PAPPA2: variants seen among roughly 807,000 people sequenced by gnomAD.
PAPPA2 encodes the protein pappalysin-2.
A neutral mutation model predicts 176.4 loss-of-function variants in PAPPA2; 86 were observed. The observed-to-expected ratio is 0.49, with a 90% CI of 0.41 to 0.58. The LOEUF (loss-of-function observed/expected upper bound fraction) is 0.58. Among genes scored for constraint, PAPPA2 ranks in the 20% least tolerant of loss-of-function variants. The probability of loss-of-function intolerance (pLI) is 0.00; values close to 1 mark genes in which losing one functional copy is unlikely to be tolerated. For synonymous variants in PAPPA2, 809 were observed against 852.2 expected (o/e 0.95, Z 0.88); for missense variants, 2,073 against 2,256.9 (o/e 0.92, Z 1.65).
At chr1:176,574,884 T>A (rs1462800448) in intron 2 of PAPPA2, among the ~76,000 whole-genome samples, 1 of 152,224 alleles carries the variant, frequency 6.6e-6, no homozygotes, top group Non-Finnish European at 1.5e-5. Context: ...GCCTACAGTA[T>A]CCAGTACAGT....
chr1:176,706,337 G>A (rs1188697909), intron 9 of PAPPA2, 22 bp from the exon 10 acceptor site: 4 of 1,596,636 alleles, frequency 2.5e-6, no homozygotes, highest in Non-Finnish European at 3.4e-6. Context: ...TGTTATATAT[G>A]CATATATATT....
chr1:176,465,388 C>G (rs908132723), intron 1 of PAPPA2, among the ~76,000 whole-genome samples: 1 of 152,206 alleles, frequency 6.6e-6, no homozygotes, highest in African/African-American at 2.4e-5. Flanking sequence ...TTTCACAGGT[C>G]TCCCTATACT....
At chr1:176,813,784 A>C (rs1420014869) in intron 21 of PAPPA2, among the ~76,000 whole-genome samples, 1 of 152,134 alleles carries the variant, frequency 6.6e-6, no homozygotes, top group Non-Finnish European at 1.5e-5. Context: ...GAATCTCTTT[A>C]GTTTAATTAG....
intron 12 of PAPPA2, among the ~76,000 whole-genome samples, chr1:176,723,945 A>G (rs922133008): frequency 1.3e-5 from 2 of 152,156 alleles, no homozygotes; most frequent in African/African-American, 2.4e-5. Flanking sequence ...GTGTTTTCCA[A>G]TTTTACAGGT....
chr1:176,759,347 G>T (rs1339986301), intron 14 of PAPPA2, among the ~76,000 whole-genome samples: 1 of 152,112 alleles, frequency 6.6e-6, no homozygotes, highest in East Asian at 1.9e-4. Context: ...CAAGAAATTT[G>T]AGTTGAATTA....
chr1:176,837,943 T>C (rs1016621077), intron 21 of PAPPA2, among the ~76,000 whole-genome samples: 1 of 152,172 alleles, frequency 6.6e-6, no homozygotes, highest in African/African-American at 2.4e-5. Context: ...AGTGGTTGAT[T>C]TTGGCAGGTT....
intron 3 of PAPPA2, among the ~76,000 whole-genome samples, chr1:176,602,122 G>T (rs1428883535): frequency 6.6e-6 from 1 of 152,130 alleles, no homozygotes; most frequent in Non-Finnish European, 1.5e-5. Flanking sequence ...CTGCATATTT[G>T]TTTTCTCTAT....
At chr1:176,768,215 C>A (rs563438417) in intron 15 of PAPPA2, among the ~76,000 whole-genome samples, 56 of 152,120 alleles carry the variant, frequency 3.7e-4, no homozygotes, top group African/African-American at 1.3e-3. Flanking sequence ...TTCCCCCCAC[C>A]CTAGACACCT....
At chr1:176,669,490 A>G (rs1658860705) in intron 3 of PAPPA2, among the ~76,000 whole-genome samples, 1 of 152,144 alleles carries the variant, frequency 6.6e-6, no homozygotes, top group Non-Finnish European at 1.5e-5. Flanking sequence ...TGGGAAAACC[A>G]GGCAACAACT....
At chr1:176,616,789 TATTA>T (rs1159021714) in intron 3 of PAPPA2, 2 of 913,040 alleles carry the variant, frequency 2.2e-6, no homozygotes, top group Admixed American at 3.9e-5. Context: ...ATTCGAGGTG[TATTA>T]ATTTAGTTAA....
chr1:176,505,906 A>G (rs1381478856), intron 1 of PAPPA2, among the ~76,000 whole-genome samples: 1 of 152,122 alleles, frequency 6.6e-6, no homozygotes, highest in Admixed American at 6.6e-5. Context: ...CCAGTAAAAA[A>G]ATGATAAACT....
At chr1:176,606,284 A>G (rs1654606109) in intron 3 of PAPPA2, among the ~76,000 whole-genome samples, 1 of 152,232 alleles carries the variant, frequency 6.6e-6, no homozygotes, top group African/African-American at 2.4e-5. Flanking sequence ...CTGCGATTCT[A>G]TATTGTGTGT....
In PAPPA2 at chr1:176,638,757, A is replaced by G. The variant is rs548540417; in HGVS notation, c.1992-32213A>G. Among the ~76,000 whole-genome samples the G allele has an allele frequency of 1.2e-4, 18 of 152,090 alleles. 1 individual carries two copies. The East Asian group carries it at 3.3e-3, about 28-fold the overall frequency. ...TTTTTCTCCTTCTGGTTAACAAGTA[A>G]TCAGAGCTTTGTGAAAGTTCCTCCA... On this transcript the variant is annotated intron_variant, in intron 3 of 22. Coordinates refer to ENST00000367662, the MANE Select transcript of PAPPA2 (RefSeq NM_020318.3).
chr1:176,669,555 T>C (rs2102771358), intron 3 of PAPPA2, among the ~76,000 whole-genome samples: 1 of 152,296 alleles, frequency 6.6e-6, no homozygotes, highest in South Asian at 2.1e-4. Context: ...CCTGATCACA[T>C]ATGATATCAT....
chr1:176,817,420 T>C (rs1474188998), intron 21 of PAPPA2, among the ~76,000 whole-genome samples: 1 of 152,048 alleles, frequency 6.6e-6, no homozygotes, highest in Non-Finnish European at 1.5e-5. Context: ...TCTGAAGGCA[T>C]TGAGAAGCCT....
intron 3 of PAPPA2, among the ~76,000 whole-genome samples, chr1:176,611,562 A>T (rs1282204812): frequency 6.6e-6 from 1 of 152,180 alleles, no homozygotes; most frequent in African/African-American, 2.4e-5. Flanking sequence ...CTGTATGATC[A>T]TTGACCCTTG....
chr1:176,693,534 G>A (rs761108777), intron 6 of PAPPA2, among the ~76,000 whole-genome samples: 14 of 152,226 alleles, frequency 9.2e-5, no homozygotes, highest in Non-Finnish European at 5.9e-5. Flanking sequence ...GCAAGTTTCC[G>A]TGCCCTTCAG....
chr1:176,825,785 A>T (rs2102978687), intron 21 of PAPPA2, among the ~76,000 whole-genome samples: 1 of 152,344 alleles, frequency 6.6e-6, no homozygotes, highest in East Asian at 1.9e-4. Context: ...AAGATCCCTG[A>T]GATTAGAGAA....
intron 12 of PAPPA2, among the ~76,000 whole-genome samples, chr1:176,726,099 A>G (rs1661856538): frequency 6.6e-6 from 1 of 152,192 alleles, no homozygotes; most frequent in African/African-American, 2.4e-5. Flanking sequence ...ACTTCTCTAT[A>G]ACATTCCTGG....
Sources: allele counts gnomAD v4.1 joint callset (sites outside exome capture counted in the v4.1 genomes callset), GRCh38; gene constraint gnomAD v4.1.1; transcripts MANE v1.5; gene names NCBI Gene and HGNC (gene_info 2026-07-23, HGNC 2026-07-21).